The following LRP5 variants were observed in gnomAD, a reference collection of about 807,000 sequenced individuals.
The protein encoded by LRP5 is low-density lipoprotein receptor-related protein 5.
In LRP5, 62 loss-of-function variants were observed where a neutral mutation model predicts 154.1. The observed-to-expected ratio is 0.40, with a 90% CI of 0.33 to 0.50. LRP5 has a LOEUF of 0.50. Among genes scored for constraint, LRP5 ranks in the 20% least tolerant of loss-of-function variants. LRP5 has a pLI of 0.55. For missense variants in LRP5, 1,915 were observed against 2,336.7 expected, an observed-to-expected ratio of 0.82 and a Z score of 3.72; for synonymous variants, 966 against 1,011.5, an observed-to-expected ratio of 0.96 and a Z score of 0.85.
At chr11:68,364,625 C>T (rs2098629929) in intron 4 of LRP5, among the ~76,000 whole-genome samples, 1 of 152,236 alleles carries the variant, frequency 6.6e-6, no homozygotes, top group African/African-American at 2.4e-5. Context: ...GGGAAATGCA[C>T]CAGCTTCTGT....
At position 68,425,156 on chromosome 11, in the gene LRP5, C is replaced by T. The variant is rs199822785; in HGVS notation, c.3291C>T (p.Ala1097=). The change falls in exon 15 of 23, where the codon GCC becomes GCT. Residue 1097 remains alanine (A), a synonymous_variant. Transcript: ENST00000294304. ...GGGCAGCCAAGATCGAACGCGCAGC[C>T]CTGGACGGCACCGAGCGCGAGGTCC... is the stretch of plus-strand genomic sequence containing the variant. ...QDRAAKIERA[A]LDGTEREVLF... 6.9e-5 allele frequency: 112 copies of T among 1,613,762 alleles called. No individual in the cohort carries two copies. The highest frequency in any genetic ancestry group is 8.7e-5 in the Non-Finnish European group (103 of 1,180,004).
At position 68,423,460 on chromosome 11, in the gene LRP5, T is replaced by C. The variant is rs371947651; in HGVS notation, c.3028-29T>C. 1 of 1,606,608 alleles carries C rather than the reference T, an allele frequency of 6.2e-7. No individual in the cohort carries two copies. The highest frequency in any genetic ancestry group is 8.5e-7 in the Non-Finnish European group (1 of 1,173,242). On this transcript the variant is annotated intron_variant, in intron 13 of 22. Transcript: ENST00000294304. The surrounding 1 kb of genome is among the most constrained non-coding windows in gnomAD (Gnocchi z 4.7). ...AGTGCCCAGGGGTCTCCGCCAGTGC[T>C]CAGGAGTCTTGGTTTCTTTGTCTTA...
chr11:68,304,569 C>A, the LRP5 span, among the ~76,000 whole-genome samples: 111 of 152,260 alleles, frequency 7.3e-4, 1 homozygote, highest in Non-Finnish European at 1.3e-3. Context: ...TGGTAGATCA[C>A]CAGCAGCTTG....
intron 1 of LRP5, among the ~76,000 whole-genome samples, chr11:68,340,141 G>A (rs1260179020): frequency 6.6e-6 from 1 of 152,214 alleles, no homozygotes; most frequent in Non-Finnish European, 1.5e-5. Context: ...TCAGGAGACT[G>A]AGGTGGGAGA....
In LRP5 at chr11:68,425,991, G is replaced by A; in HGVS notation, c.3441G>A (p.Leu1147=). Residue 1147 remains leucine (L), a synonymous_variant, in exon 16 of 23, where the codon CTG becomes CTA. Coordinates refer to ENST00000294304, the MANE Select transcript of LRP5 (RefSeq NM_002335.4). ...GGCTGCTTGCAGGGGCCAACCGCCT[G>A]ACCCTGGAGGACGCCAACATCGTGC... ...ESCDLSGANR[L]TLEDANIVQP... is the part of the protein sequence containing the mutation. The A allele has an allele frequency of 1.2e-6, 2 of 1,611,894 alleles. No homozygotes were observed. The highest frequency in any genetic ancestry group is 8.5e-7 in the Non-Finnish European group (1 of 1,180,018).
intron 2 of LRP5, among the ~76,000 whole-genome samples, chr11:68,355,395 G>A (rs1257525466): frequency 6.6e-6 from 1 of 152,198 alleles, no homozygotes; most frequent in African/African-American, 2.4e-5. Flanking sequence ...AAGAGTGGGA[G>A]GAGGCTCCTC....
the LRP5 span, among the ~76,000 whole-genome samples, chr11:68,298,913 T>C: frequency 6.6e-6 from 1 of 152,176 alleles, no homozygotes; most frequent in African/African-American, 2.4e-5. Context: ...GGGATGGAGC[T>C]GTGTCCTGCA....
At chr11:68,310,597 G>A (rs1032845582), upstream of LRP5, among the ~76,000 whole-genome samples, 1 of 152,066 alleles carries the variant, frequency 6.6e-6, no homozygotes, top group African/African-American at 2.4e-5. Flanking sequence ...TCCAGCCTGG[G>A]CAACAGAGTG....
chr11:68,382,954 T>C (rs113108534), intron 5 of LRP5, among the ~76,000 whole-genome samples: 4,270 of 152,142 alleles, frequency 0.028, 199 homozygotes, highest in African/African-American at 0.098. Flanking sequence ...CTCAGCTCAT[T>C]GCAACCTCTG....
intron 1 of LRP5, among the ~76,000 whole-genome samples, chr11:68,331,771 GTGTT>G (rs766387661): frequency 8.0e-6 from 1 of 124,792 alleles, no homozygotes; most frequent in Non-Finnish European, 1.8e-5. Context: ...GTGTGTGTGT[GTGTT>G]TGAGTGTGCA....
At chr11:68,401,391 C>T (rs1591281813) in intron 7 of LRP5, among the ~76,000 whole-genome samples, 1 of 152,312 alleles carries the variant, frequency 6.6e-6, no homozygotes, top group Non-Finnish European at 1.5e-5. Flanking sequence ...ACCATGTTCC[C>T]GCCCGCCTGC....
upstream of LRP5, among the ~76,000 whole-genome samples, chr11:68,309,036 C>T (rs1449432657): frequency 1.1e-4 from 16 of 149,882 alleles, 1 homozygote; most frequent in Admixed American, 2.0e-4. Context: ...CAGGTTCACG[C>T]CATTCTCCTG....
chr11:68,422,822 C>T (rs939334414), intron 13 of LRP5, among the ~76,000 whole-genome samples: 21 of 151,062 alleles, frequency 1.4e-4, no homozygotes, highest in African/African-American at 4.6e-4. Flanking sequence ...CCTACCCACC[C>T]TCACCTCCCC....
intron 2 of LRP5, among the ~76,000 whole-genome samples, chr11:68,354,903 C>T (rs1565340528): frequency 6.6e-6 from 1 of 152,224 alleles, no homozygotes; most frequent in Non-Finnish European, 1.5e-5. Flanking sequence ...TTCCATGTGA[C>T]ACCCCTCTTA....
chr11:68,305,337 C>A, the LRP5 span, among the ~76,000 whole-genome samples: 4 of 151,978 alleles, frequency 2.6e-5, no homozygotes, highest in Admixed American at 1.3e-4. Context: ...CTCCCTGAAG[C>A]CTTCCCAGCA....
chr11:68,446,407 C>G (rs989984273), intron 21 of LRP5, 29 bp from the exon 22 acceptor site: 2 of 1,510,662 alleles, frequency 1.3e-6, no homozygotes, highest in African/African-American at 1.4e-5. Flanking sequence ...TGGCGAGGCT[C>G]TAAGTCACCC....
intron 5 of LRP5, among the ~76,000 whole-genome samples, chr11:68,382,919 G>A (rs1333845590): frequency 5.3e-5 from 8 of 151,392 alleles, no homozygotes; most frequent in Non-Finnish European, 2.9e-5. Context: ...ACCCCAACGC[G>A]CAGGCTGGAG....
At chr11:68,382,146 G>A (rs659605) in intron 5 of LRP5, among the ~76,000 whole-genome samples, 88,169 of 152,158 alleles carry the variant, frequency 0.58, 27,918 homozygotes, top group South Asian at 0.88. Context: ...CCTCCTTCGA[G>A]TCAGTAAACA....
chr11:68,339,472 G>A (rs774229388), intron 1 of LRP5, among the ~76,000 whole-genome samples: 18 of 151,910 alleles, frequency 1.2e-4, no homozygotes, highest in South Asian at 4.2e-4. Context: ...CTCAGCCTCC[G>A]GAGTAGCTGG....
Sources: gnomAD v4.1 joint callset for allele counts (sites outside exome capture counted in the v4.1 genomes callset) on GRCh38, gnomAD v4.1.1 for gene constraint, Gnocchi (gnomAD v3.1) non-coding constraint, MANE v1.5 for transcripts, NCBI Gene and HGNC (gene_info 2026-07-23, HGNC 2026-07-21) for gene names.